MINK1: variants seen among roughly 807,000 people sequenced by gnomAD.
MINK1 encodes misshapen-like kinase 1.
Under a neutral mutation model 178.4 loss-of-function variants are expected in MINK1, and 46 were observed. The ratio of observed to expected loss-of-function variants is 0.26; its 90% CI spans 0.20 to 0.33. MINK1 has a LOEUF of 0.33. MINK1 is among the 10% of genes least tolerant of loss of function. The pLI is 1.00. For missense variants in MINK1, 1,366 were observed against 1,814.9 expected (o/e 0.75, Z 4.49); for synonymous variants, 797 against 709.7 (o/e 1.12, Z -1.96).
At chr17:4,864,863 T>C (rs887836727) in intron 1 of MINK1, among the ~76,000 whole-genome samples, 3 of 152,184 alleles carry the variant, frequency 2.0e-5, no homozygotes, top group Admixed American at 2.0e-4. Context: ...AGGAGGGTAC[T>C]GGAAAGCCGG....
chr17:4,874,092 G>A (rs1041516586), intron 1 of MINK1, among the ~76,000 whole-genome samples: 2 of 152,054 alleles, frequency 1.3e-5, no homozygotes, highest in African/African-American at 2.4e-5. Flanking sequence ...TCGTGCTTTC[G>A]GTTGCTGTTT....
At chr17:4,852,475 GAGGCAC>G (rs1338159176) in intron 1 of MINK1, among the ~76,000 whole-genome samples, 1 of 151,714 alleles carries the variant, frequency 6.6e-6, no homozygotes, top group Non-Finnish European at 1.5e-5. Flanking sequence ...TGGAGGTCGG[GAGGCAC>G]AGGCACGAGG....
rs910442852 is a variant in MINK1, at chr17:4,892,872, G to T, written c.2311+104G>T. ...CTGGGGCACCCACACGGACAGGGAG[G>T]ACCTGTGTGGGTATGGAACTTGGGG... On this transcript the variant is annotated intron_variant, in intron 19 of 31. Transcript: ENST00000355280. The T allele has an allele frequency of 5.8e-6, 8 of 1,375,288 alleles. No homozygotes were observed. The African/African-American group carries it at 1.0e-4, about 17-fold the overall frequency. The allele number at this position is 1,375,288 out of a possible 1,614,324, so 85.2% of individuals were successfully genotyped here.
intron 1 of MINK1, among the ~76,000 whole-genome samples, chr17:4,873,501 C>G (rs1034936258): frequency 6.4e-5 from 9 of 140,604 alleles, no homozygotes; most frequent in Non-Finnish European, 1.4e-4. Context: ...TGTTCTCCCA[C>G]AGCACAGCAT....
chr17:4,842,958 C>T (rs1360070183), intron 1 of MINK1, among the ~76,000 whole-genome samples: 1 of 152,204 alleles, frequency 6.6e-6, no homozygotes, highest in Non-Finnish European at 1.5e-5. Flanking sequence ...AGCAGCACAG[C>T]TGAGCGGGAT....
intron 1 of MINK1, among the ~76,000 whole-genome samples, chr17:4,856,286 G>A (rs1202501926): frequency 2.0e-5 from 3 of 152,132 alleles, no homozygotes; most frequent in Non-Finnish European, 4.4e-5. Flanking sequence ...AGCATCTCGC[G>A]CTCTACTTAC....
At position 4,885,744 on chromosome 17, in the gene MINK1, T is replaced by C. The variant is rs2151014787; in HGVS notation, c.639+131T>C. On this transcript the variant is annotated intron_variant, in intron 7 of 31. Coordinates refer to ENST00000355280, the MANE Select transcript of MINK1 (RefSeq NM_153827.5). The surrounding 1 kb of genome is among the most constrained non-coding windows in gnomAD (Gnocchi z 5.0). ...TAGCAGTGAGGGGCTGGGGAACATC[T>C]TACGGCAAGGCAAGTGTGGGTGGGA... 1.4e-6 allele frequency: 2 copies of C among 1,430,926 alleles called. No individual in the cohort carries two copies. Among genetic ancestry groups the C allele is most frequent in the East Asian group, 4.8e-5 (2 of 41,944 alleles). 88.6% of individuals were successfully genotyped at this position (1,430,926 alleles called of 1,614,324 possible). A position where few individuals can be genotyped will look rare whatever the true frequency, so the allele number is the denominator to read the frequency against.
rs769025290 is a variant in MINK1, at chr17:4,886,574, C to T, written c.897C>T (p.Arg299=). The change falls in exon 10 of 32, where the codon CGC becomes CGT. Residue 299 remains arginine (R), a synonymous_variant. Coordinates refer to ENST00000355280, the MANE Select transcript of MINK1 (RefSeq NM_153827.5). This position sits in a 1 kb window ranked among gnomAD's most constrained non-coding sequence, Gnocchi z 6.1. ...ACCAGCCCACGGAGCGGCAGGTCCG[C>T]ATCCAGCTTAAGGACCACATTGACC... ...IRDQPTERQV[R]IQLKDHIDRS... 2 of 1,612,150 alleles carry T rather than the reference C, an allele frequency of 1.2e-6. No homozygotes were observed.
Position 4,893,617 on chromosome 17 carries a change from G to T in MINK1, c.2564+20G>T. 6.6e-7 allele frequency: 1 copy of T among 1,515,804 alleles called. No homozygotes were observed. 93.9% of individuals were successfully genotyped at this position (1,515,804 alleles called of 1,614,324 possible). On this transcript the variant is annotated intron_variant, in intron 21 of 31. Transcript: ENST00000355280. ...GGGCCGGTACGGCATCGGGAGTGGG[G>T]CCCTCCCACTCCAAGGCACAGGGAG...
intron 1 of MINK1, among the ~76,000 whole-genome samples, chr17:4,864,197 C>G (rs1018929301): frequency 2.7e-5 from 4 of 149,610 alleles, no homozygotes. Context: ...GTCGGGTGTT[C>G]GAGACCAGCC....
Position 4,896,228 on chromosome 17 carries a change from C to T in MINK1, c.3501C>T (p.Val1167=), listed in dbSNP as rs182331413. The T allele has an allele frequency of 1.0e-5, 16 of 1,602,722 alleles. No individual in the cohort carries two copies. The Admixed American group carries it at 1.2e-4, about 12-fold the overall frequency. ...ACCTCCCCCACCGCCCTCTGCTGGT[C>T]GACCTGACAGTAGAGGAGGGGCAGC... ...FADLPHRPLL[V]DLTVEEGQRL... Residue 1167 remains valine, a synonymous_variant, in exon 29 of 32, where the codon GTC becomes GTT. Coordinates refer to ENST00000355280, the MANE Select transcript of MINK1 (RefSeq NM_153827.5). This position sits in a 1 kb window ranked among gnomAD's most constrained non-coding sequence, Gnocchi z 4.6.
chr17:4,870,567 G>C (rs745391378), intron 1 of MINK1, among the ~76,000 whole-genome samples: 9 of 152,056 alleles, frequency 5.9e-5, no homozygotes, highest in Admixed American at 1.3e-4. Flanking sequence ...GCTCATGCCT[G>C]TAATGCCAGC....
At position 4,881,056 on chromosome 17, in the gene MINK1, G is replaced by A. The variant is rs1244774482; in HGVS notation, c.180+16G>A. ...TGTCACGGAGGTAGGGAGTGGAGCT[G>A]GGCAGTGGGAGGGTCGGACCAGCGA... On this transcript the variant is annotated intron_variant, in intron 3 of 31. Coordinates refer to ENST00000355280, the MANE Select transcript of MINK1 (RefSeq NM_153827.5). 3.3e-6 allele frequency: 5 copies of A among 1,534,356 alleles called. No homozygotes were observed. The South Asian group carries it at 4.8e-5, about 15-fold the overall frequency.
chr17:4,840,296 TCAA>T (rs1164328884), intron 1 of MINK1, among the ~76,000 whole-genome samples: 1 of 152,040 alleles, frequency 6.6e-6, no homozygotes, highest in Non-Finnish European at 1.5e-5. Context: ...AAGCATTTGG[TCAA>T]CAATTGAGGG....
Position 4,891,687 on chromosome 17 carries a change from G to A in MINK1, c.1972G>A (p.Val658Ile), listed in dbSNP as rs1597565472. ...CCCCAGCCCGAATCCCCCAGCCTGG[G>A]TCCGCCCAGATAACGAGGCCCCACC... ...PGPSPNPPAW[V>I]RPDNEAPPKV... Residue 658 changes from valine to isoleucine, a missense_variant, in exon 16 of 32, where the codon GTC becomes ATC. Val to Ile is a conservative substitution (Grantham distance 29). Transcript: ENST00000355280. The A allele has an allele frequency of 1.2e-6, 2 of 1,602,824 alleles. No individual in the cohort carries two copies. The highest frequency in any genetic ancestry group is 4.5e-5 in the East Asian group (2 of 44,482).
intron 17 of MINK1, 63 bp from the exon 18 acceptor site, chr17:4,892,339 C>T (rs1043878817): frequency 2.7e-6 from 4 of 1,471,960 alleles, no homozygotes; most frequent in Non-Finnish European, 1.8e-6. Flanking sequence ...GTGGGAAAGC[C>T]CCAGCCCCAT....
At chr17:4,852,476 A>G (rs1394734852) in intron 1 of MINK1, among the ~76,000 whole-genome samples, 2 of 151,610 alleles carry the variant, frequency 1.3e-5, no homozygotes, top group Non-Finnish European at 2.9e-5. Context: ...GGAGGTCGGG[A>G]GGCACAGGCA....
chr17:4,869,143 C>G (rs573145646), intron 1 of MINK1, among the ~76,000 whole-genome samples: 50 of 151,990 alleles, frequency 3.3e-4, no homozygotes, highest in Non-Finnish European at 8.8e-5. Flanking sequence ...CCAGGATGGT[C>G]TTGATCTCCT....
chr17:4,892,527 C>A lies in MINK1; in HGVS notation c.2198+15C>A, dbSNP rs1437327640. ...AACGCCTCTAGGTAATAGAGTTGTC[C>A]CCCAACTCACTCTCACCTCTCACTT... is the stretch of plus-strand genomic sequence containing the variant. On this transcript the variant is annotated intron_variant, in intron 18 of 31. Transcript: ENST00000355280. 1 of 1,534,598 alleles carries A rather than the reference C, an allele frequency of 6.5e-7. No homozygotes were observed. Among genetic ancestry groups the A allele is most frequent in the Non-Finnish European group, 8.9e-7 (1 of 1,128,220 alleles).
Sources: gnomAD v4.1 joint callset for allele counts (sites outside exome capture counted in the v4.1 genomes callset) on GRCh38, gnomAD v4.1.1 for gene constraint, Gnocchi (gnomAD v3.1) non-coding constraint, MANE v1.5 for transcripts, NCBI Gene and HGNC (gene_info 2026-07-23, HGNC 2026-07-21) for gene names.